CRACD: variants seen among roughly 807,000 people sequenced by gnomAD.
CRACD encodes the protein capping protein-inhibiting regulator of actin dynamics.
A neutral mutation model predicts 106.8 loss-of-function variants in CRACD; 56 were observed. The ratio of observed to expected loss-of-function variants is 0.52; its 90% CI spans 0.42 to 0.66. CRACD has a LOEUF of 0.66. Among genes scored for constraint, CRACD ranks in the 30% least tolerant of loss-of-function variants. CRACD has a pLI of 0.00. For missense variants in CRACD, 1,730 were observed against 1,623.2 expected, an observed-to-expected ratio of 1.07 and a Z score of -1.13; for synonymous variants, 754 against 670.8, an observed-to-expected ratio of 1.12 and a Z score of -1.92.
intron 2 of CRACD, among the ~76,000 whole-genome samples, chr4:56,236,118 T>G (rs1739955765): frequency 6.6e-6 from 1 of 152,140 alleles, no homozygotes; most frequent in African/African-American, 2.4e-5. Flanking sequence ...GTGTTGCAGT[T>G]ACAGTAAGGT....
intron 3 of CRACD, among the ~76,000 whole-genome samples, chr4:56,280,767 G>C (rs1742995246): frequency 6.6e-6 from 1 of 152,180 alleles, no homozygotes; most frequent in Non-Finnish European, 1.5e-5. Flanking sequence ...TGCTGGAAAA[G>C]GAAGAATCCA....
chr4:56,142,457 C>A (rs1735236935), intron 1 of CRACD, among the ~76,000 whole-genome samples: 1 of 152,118 alleles, frequency 6.6e-6, no homozygotes, highest in Admixed American at 6.5e-5. Context: ...TTCCCTATAT[C>A]CTGGAGAAAT....
intron 1 of CRACD, among the ~76,000 whole-genome samples, chr4:56,078,525 G>A (rs866836650): frequency 1.2e-4 from 19 of 152,068 alleles, no homozygotes; most frequent in African/African-American, 4.3e-4. Context: ...TCCTGCCTCA[G>A]CCTCCTGAAT....
intron 1 of CRACD, among the ~76,000 whole-genome samples, chr4:56,086,908 A>T (rs1026828974): frequency 3.3e-5 from 5 of 151,584 alleles, no homozygotes; most frequent in Non-Finnish European, 7.4e-5. Flanking sequence ...CCCCTCTTTC[A>T]CCTTCCATTC....
chr4:56,294,284 C>A (rs1743863656), intron 3 of CRACD, among the ~76,000 whole-genome samples: 2 of 150,876 alleles, frequency 1.3e-5, no homozygotes, highest in Non-Finnish European at 1.5e-5. Flanking sequence ...TTAGCAAAGT[C>A]TCTGGTTATA....
At chr4:56,183,979 C>G (rs1185772323) in intron 2 of CRACD, among the ~76,000 whole-genome samples, 1 of 152,126 alleles carries the variant, frequency 6.6e-6, no homozygotes, top group African/African-American at 2.4e-5. Flanking sequence ...TTGCGCTTAA[C>G]AGCAAATTGC....
intron 1 of CRACD, among the ~76,000 whole-genome samples, chr4:56,161,338 A>G (rs73152960): frequency 0.059 from 8,905 of 151,672 alleles, 452 homozygotes; most frequent in African/African-American, 0.12. Flanking sequence ...GAGGTTAAGG[A>G]AAAAAAAAGC....
At chr4:56,223,222 C>A (rs1240537054) in intron 2 of CRACD, among the ~76,000 whole-genome samples, 2 of 89,670 alleles carry the variant, frequency 2.2e-5, no homozygotes, top group Admixed American at 9.0e-5. Flanking sequence ...TGATTCTTTT[C>A]TCTTTTTTTT....
At chr4:56,252,632 A>G (rs909757731) in intron 2 of CRACD, among the ~76,000 whole-genome samples, 1 of 152,350 alleles carries the variant, frequency 6.6e-6, no homozygotes, top group African/African-American at 2.4e-5. Flanking sequence ...CTGGTGATCC[A>G]TAGATAGGCT....
intron 2 of CRACD, among the ~76,000 whole-genome samples, chr4:56,188,265 G>A (rs28472285): frequency 0.5 from 76,627 of 151,928 alleles, 20,902 homozygotes; most frequent in African/African-American, 0.7. Context: ...ATGTTTTACT[G>A]TCATAGAACT....
intron 2 of CRACD, among the ~76,000 whole-genome samples, chr4:56,261,240 C>T (rs916315623): frequency 2.0e-5 from 3 of 151,996 alleles, no homozygotes; most frequent in Non-Finnish European, 2.9e-5. Flanking sequence ...CAAGCGGTGG[C>T]GGAAACCGGC....
At chr4:56,126,470 G>C (rs1371161904) in intron 1 of CRACD, among the ~76,000 whole-genome samples, 1 of 152,074 alleles carries the variant, frequency 6.6e-6, no homozygotes, top group African/African-American at 2.4e-5. Context: ...TGTATTTTTA[G>C]TTTCTCCATT....
chr4:56,224,621 G>C (rs980079813), intron 2 of CRACD, among the ~76,000 whole-genome samples: 2 of 152,210 alleles, frequency 1.3e-5, no homozygotes, highest in African/African-American at 4.8e-5. Context: ...TGTTGGCATG[G>C]ATGTGGTGAA....
Position 56,305,181 on chromosome 4 carries a change from A to G in CRACD, c.121-2354A>G, listed in dbSNP as rs143184990. 4.1e-3 allele frequency among the ~76,000 whole-genome samples: 627 copies of G among 152,320 alleles called. 7 individuals carry two copies. Among genetic ancestry groups the G allele is most frequent in the African/African-American group, 0.014 (600 of 41,574 alleles). On this transcript the variant is annotated intron_variant, in intron 4 of 10. Transcript: ENST00000682029. ...GGCTGCAGTGAGCTATGATCATGCCACTGCACTCTAGCCTGTGCGACAGAA... is the reference window on the plus strand; with the variant it reads ...GGCTGCAGTGAGCTATGATCATGCCGCTGCACTCTAGCCTGTGCGACAGAA...
chr4:56,275,408 C>CATGTCT (rs1742621472), intron 3 of CRACD, among the ~76,000 whole-genome samples: 1 of 151,954 alleles, frequency 6.6e-6, no homozygotes, highest in South Asian at 2.1e-4. Flanking sequence ...GCGCTATGAT[C>CATGTCT]ATGTCTATGA....
chr4:56,186,511 A>G (rs992916973), intron 2 of CRACD, among the ~76,000 whole-genome samples: 2 of 152,198 alleles, frequency 1.3e-5, no homozygotes, highest in Admixed American at 6.5e-5. Context: ...TTGACAAGAA[A>G]TAGCAGAGAG....
chr4:56,132,861 T>A (rs1383362422), intron 1 of CRACD, among the ~76,000 whole-genome samples: 2 of 152,200 alleles, frequency 1.3e-5, no homozygotes, highest in African/African-American at 2.4e-5. Context: ...ATCAATTAGC[T>A]AATAGGCCTA....
chr4:56,292,812 C>T (rs1306320248), intron 3 of CRACD, among the ~76,000 whole-genome samples: 1 of 152,160 alleles, frequency 6.6e-6, no homozygotes, highest in African/African-American at 2.4e-5. Flanking sequence ...GCGTGAGCCA[C>T]CGCGACTGGC....
Position 56,324,182 on chromosome 4 carries a change from G to A in CRACD, c.3457G>A (p.Glu1153Lys). 1 of 1,614,212 alleles carries A rather than the reference G, an allele frequency of 6.2e-7. No individual in the cohort carries two copies. The highest frequency in any genetic ancestry group is 8.5e-7 in the Non-Finnish European group (1 of 1,180,000). ...SLHKSTALPE[E>K]KRPETAVSRL... ...GCACAAGTCCACTGCTCTGCCAGAA[G>A]AGAAGAGGCCCGAGACTGCAGTGTC... Residue 1153 changes from glutamate to lysine, a missense_variant, in exon 10 of 11, where the codon GAG becomes AAG. Transcript: ENST00000682029.
Sources: allele counts gnomAD v4.1 joint callset (sites outside exome capture counted in the v4.1 genomes callset), GRCh38; gene constraint gnomAD v4.1.1; transcripts MANE v1.5; gene names NCBI Gene and HGNC (gene_info 2026-07-23, HGNC 2026-07-21).